PPARGC1A: variants seen among roughly 807,000 people sequenced by gnomAD.
PPARGC1A encodes the protein PPARG coactivator 1 alpha.
In PPARGC1A, 25 loss-of-function variants were observed where a neutral mutation model predicts 88.7. That is an observed-to-expected ratio of 0.28 (90% CI 0.21 to 0.39). The LOEUF (loss-of-function observed/expected upper bound fraction) is 0.39, where lower values mean the gene tolerates loss of function less well. Ranked by LOEUF, PPARGC1A falls within the 10% of genes least tolerant of loss-of-function variation. The probability of loss-of-function intolerance (pLI) is 1.00; values close to 1 mark genes in which losing one functional copy is unlikely to be tolerated. For missense variants in PPARGC1A, 880 were observed against 968.7 expected (o/e 0.91, Z 1.22); for synonymous variants, 363 against 355.6 (o/e 1.02, Z -0.24).
At chr4:23,821,063 C>T (rs2109558243) in intron 7 of PPARGC1A, among the ~76,000 whole-genome samples, 2 of 152,254 alleles carry the variant, frequency 1.3e-5, no homozygotes, top group South Asian at 2.1e-4. Context: ...TGAGCACAGA[C>T]TTGGCCTTAG....
the PPARGC1A span, among the ~76,000 whole-genome samples, chr4:23,969,543 C>T: frequency 1.3e-5 from 2 of 152,162 alleles, no homozygotes; most frequent in Non-Finnish European, 2.9e-5. Flanking sequence ...TGAACGTTCT[C>T]AGTGAGTATT....
At chr4:24,132,847 G>A in the PPARGC1A span, among the ~76,000 whole-genome samples, 1 of 151,704 alleles carries the variant, frequency 6.6e-6, no homozygotes, top group Non-Finnish European at 1.5e-5. Context: ...CCCTAGTGCT[G>A]TCTTGGTGGT....
chr4:24,451,035 G>C, the PPARGC1A span, among the ~76,000 whole-genome samples: 1 of 152,132 alleles, frequency 6.6e-6, no homozygotes, highest in Non-Finnish European at 1.5e-5. Flanking sequence ...ATCACAAATA[G>C]ATCTAAGAGT....
At chr4:24,161,959 TATACACACACACACACACAC>T in the PPARGC1A span, among the ~76,000 whole-genome samples, 907 of 118,824 alleles carry the variant, frequency 7.6e-3, 7 homozygotes, top group African/African-American at 0.028. Context: ...GAAATTGTGA[TATACACACACACACACACAC>T]ACACACACAC....
chr4:23,861,199 A>G (rs910929294), intron 2 of PPARGC1A, among the ~76,000 whole-genome samples: 10 of 152,238 alleles, frequency 6.6e-5, no homozygotes, highest in African/African-American at 2.2e-4. Flanking sequence ...CTAGAAATGC[A>G]AAATAGGCAC....
rs71196134 is a variant in PPARGC1A, at chr4:23,811,889, C to CT, written c.2019+857dup. Among the ~76,000 whole-genome samples, 11 of 59,040 alleles carry CT rather than the reference C, an allele frequency of 1.9e-4. 2 individuals are homozygous for CT. The highest frequency in any genetic ancestry group is 2.2e-4 in the Non-Finnish European group (7 of 31,620). 38.7% of individuals were successfully genotyped at this position (59,040 alleles called of 152,430 possible). ...GACGACCATCACGCAGAAGAAATGA[C>CT]TTTTTTTTTTTTTTTTTTTTTTTTT... On this transcript the variant is annotated intron_variant, in intron 10 of 12. Coordinates refer to ENST00000264867, the MANE Select transcript of PPARGC1A (RefSeq NM_013261.5).
the PPARGC1A span, among the ~76,000 whole-genome samples, chr4:24,357,877 G>C: frequency 6.6e-6 from 1 of 152,144 alleles, no homozygotes; most frequent in Non-Finnish European, 1.5e-5. Context: ...CAACCACATG[G>C]AACTGTGAGT....
the PPARGC1A span, among the ~76,000 whole-genome samples, chr4:24,052,594 G>A: frequency 6.0e-5 from 9 of 149,866 alleles, no homozygotes; most frequent in South Asian, 4.2e-4. Context: ...CTGAGATGGC[G>A]TCACTGCACT....
chr4:24,442,132 T>C, the PPARGC1A span, among the ~76,000 whole-genome samples: 1 of 151,952 alleles, frequency 6.6e-6, no homozygotes, highest in African/African-American at 2.4e-5. Flanking sequence ...GACTTTAGAG[T>C]TCAAAAAAAA....
the PPARGC1A span, among the ~76,000 whole-genome samples, chr4:24,082,731 C>T: frequency 4.6e-5 from 7 of 152,048 alleles, no homozygotes; most frequent in South Asian, 4.2e-4. Context: ...CTCAAATATT[C>T]CTTAGCCATC....
chr4:23,904,867 C>T (rs1719852382), upstream of PPARGC1A, among the ~76,000 whole-genome samples: 1 of 152,210 alleles, frequency 6.6e-6, no homozygotes, highest in South Asian at 2.1e-4. Flanking sequence ...TTCTATTTCC[C>T]TTTCTGAACA....
the PPARGC1A span, among the ~76,000 whole-genome samples, chr4:23,941,951 A>G: frequency 2.0e-5 from 3 of 152,204 alleles, no homozygotes; most frequent in Non-Finnish European, 4.4e-5. Flanking sequence ...CCATCATTTC[A>G]GAGAATAGCC....
chr4:24,388,212 G>A, the PPARGC1A span, among the ~76,000 whole-genome samples: 1 of 151,722 alleles, frequency 6.6e-6, no homozygotes, highest in Non-Finnish European at 1.5e-5. Flanking sequence ...CAATTATGTG[G>A]CCAACAAACA....
chr4:24,462,618 T>C, the PPARGC1A span, among the ~76,000 whole-genome samples: 1 of 151,844 alleles, frequency 6.6e-6, no homozygotes, highest in East Asian at 1.9e-4. Context: ...ACCCACCTCA[T>C]AGGGTAATTT....
chr4:24,032,645 T>C, the PPARGC1A span, among the ~76,000 whole-genome samples: 1 of 152,214 alleles, frequency 6.6e-6, no homozygotes, highest in Non-Finnish European at 1.5e-5. Context: ...GCTTCTCCTT[T>C]GGGGCCAAGC....
the PPARGC1A span, among the ~76,000 whole-genome samples, chr4:24,364,823 A>G: frequency 1.3e-5 from 2 of 152,212 alleles, no homozygotes; most frequent in Non-Finnish European, 2.9e-5. Flanking sequence ...AATGAACAGA[A>G]TAATACCCAA....
At chr4:24,171,093 G>A in the PPARGC1A span, among the ~76,000 whole-genome samples, 21 of 151,922 alleles carry the variant, frequency 1.4e-4, no homozygotes, top group Non-Finnish European at 2.2e-4. Context: ...TTACCTTCTC[G>A]GTTAAGCTTT....
At chr4:24,043,822 A>G in the PPARGC1A span, among the ~76,000 whole-genome samples, 1 of 152,204 alleles carries the variant, frequency 6.6e-6, no homozygotes, top group East Asian at 1.9e-4. Flanking sequence ...GTTACTATAT[A>G]GCAAGAAACT....
At chr4:23,963,205 T>C in the PPARGC1A span, among the ~76,000 whole-genome samples, 1 of 152,226 alleles carries the variant, frequency 6.6e-6, no homozygotes, top group African/African-American at 2.4e-5. Flanking sequence ...AGATCTTTTA[T>C]GATTGTTCGT....
Sources: allele counts gnomAD v4.1 joint callset (sites outside exome capture counted in the v4.1 genomes callset), GRCh38; gene constraint gnomAD v4.1.1; transcripts MANE v1.5; gene names NCBI Gene and HGNC (gene_info 2026-07-23, HGNC 2026-07-21).